The following ULK4 variants were observed in gnomAD, a reference collection of about 807,000 sequenced individuals.
The protein encoded by ULK4 is unc-51 like kinase 4.
In ULK4, 133 loss-of-function variants were observed where a neutral mutation model predicts 160.6. That is an observed-to-expected ratio of 0.83 (90% confidence interval 0.72 to 0.96). The LOEUF is 0.96. ULK4 is among the 40% of genes least tolerant of loss of function. The pLI is 0.00. For missense variants in ULK4, 1,580 were observed against 1,499.5 expected (o/e 1.05, Z -0.89); for synonymous variants, 534 against 539.8 (o/e 0.99, Z 0.15).
intron 30 of ULK4, among the ~76,000 whole-genome samples, chr3:41,629,261 G>T (rs375921400): frequency 6.6e-6 from 1 of 152,142 alleles, no homozygotes; most frequent in Middle Eastern, 3.2e-3. Flanking sequence ...GAACAGCTGG[G>T]GGTTGTGATC....
At chr3:41,587,636 T>C (rs930628839) in intron 31 of ULK4, among the ~76,000 whole-genome samples, 36 of 152,194 alleles carry the variant, frequency 2.4e-4, no homozygotes, top group African/African-American at 7.2e-4. Context: ...ATCTACTTGA[T>C]TGTAACTAGA....
chr3:41,668,836 T>A (rs1211270569), intron 29 of ULK4, among the ~76,000 whole-genome samples: 1 of 152,224 alleles, frequency 6.6e-6, no homozygotes, highest in East Asian at 1.9e-4. Flanking sequence ...TAAGAAGGCC[T>A]CTTTAGCATA....
chr3:41,453,299 C>G (rs6794927), intron 34 of ULK4, among the ~76,000 whole-genome samples: 47,668 of 152,012 alleles, frequency 0.31, 7,703 homozygotes, highest in African/African-American at 0.37. Context: ...CCTCAGCCTC[C>G]CAAGTAGCTA....
chr3:41,579,694 G>A (rs371771681), intron 31 of ULK4, among the ~76,000 whole-genome samples: 29 of 151,792 alleles, frequency 1.9e-4, no homozygotes, highest in African/African-American at 4.1e-4. Context: ...GGGTTTCACC[G>A]TGTTAGCCAG....
In ULK4 at chr3:41,935,850, T is replaced by C. The variant is rs1466062680; in HGVS notation, c.329A>G (p.His110Arg). ...EFGIDLISGL[H>R]HLHKLGILFC... ...GAGAATGCCAAGTTTATGAAGATGATGTAATCCACTAATCAGGTCAATTCC... is the reference window on the plus strand; with the variant it reads ...GAGAATGCCAAGTTTATGAAGATGACGTAATCCACTAATCAGGTCAATTCC... The change falls in exon 4 of 37, where the codon CAT becomes CGT. Residue 110 changes from histidine to arginine, a missense_variant. Physicochemically the swap from His to Arg is conservative, Grantham distance 29. Transcript: ENST00000301831. 3 of 1,613,798 alleles carry C rather than the reference T, an allele frequency of 1.9e-6. No individual in the cohort carries two copies. Among genetic ancestry groups the C allele is most frequent in the South Asian group, 2.2e-5 (2 of 90,994 alleles).
intron 32 of ULK4, among the ~76,000 whole-genome samples, chr3:41,514,901 T>C (rs746669752): frequency 3.9e-5 from 6 of 152,092 alleles, no homozygotes; most frequent in Non-Finnish European, 8.8e-5. Context: ...CCCCCAAAAT[T>C]TGTACAAATA....
intron 34 of ULK4, among the ~76,000 whole-genome samples, chr3:41,415,226 T>C (rs2082497128): frequency 6.6e-6 from 1 of 152,182 alleles, no homozygotes; most frequent in South Asian, 2.1e-4. Flanking sequence ...ATAAATGTGT[T>C]AACAGTGAAT....
chr3:41,533,547 G>A (rs1446450259), intron 32 of ULK4, among the ~76,000 whole-genome samples: 2 of 152,196 alleles, frequency 1.3e-5, no homozygotes, highest in African/African-American at 4.8e-5. Context: ...GGCAAGCCAT[G>A]GCCTGTGGGC....
intron 35 of ULK4, among the ~76,000 whole-genome samples, chr3:41,371,169 C>T (rs562487723): frequency 6.6e-6 from 1 of 152,312 alleles, no homozygotes; most frequent in South Asian, 2.1e-4. Context: ...ATCAAACTCC[C>T]ATCTCCCTAG....
rs192229427 is a variant in ULK4 at position 41,374,844 on chromosome 3, A to C, written c.3678+23235T>G. Among the ~76,000 whole-genome samples, 545 of 152,322 alleles carry C rather than the reference A, an allele frequency of 3.6e-3. 10 individuals are homozygous for C. The highest frequency in any genetic ancestry group is 0.013 in the African/African-American group (522 of 41,574). ...TTCAAATAGGAAGAGAGGAAGTCAAATTATCTCCGTTTGCACATGACATGA... is the reference window on the plus strand; with the variant it reads ...TTCAAATAGGAAGAGAGGAAGTCAACTTATCTCCGTTTGCACATGACATGA... On this transcript the variant is annotated intron_variant, in intron 35 of 36. Coordinates refer to ENST00000301831, the MANE Select transcript of ULK4 (RefSeq NM_017886.4).
At chr3:41,265,454 A>C (rs1314090467) in intron 35 of ULK4, among the ~76,000 whole-genome samples, 2 of 152,226 alleles carry the variant, frequency 1.3e-5, no homozygotes, top group Non-Finnish European at 2.9e-5. Context: ...CTCTAATGAA[A>C]CATTAGGGGC....
chr3:41,579,503 T>A (rs1250943781), intron 31 of ULK4, among the ~76,000 whole-genome samples: 2 of 144,974 alleles, frequency 1.4e-5, no homozygotes, highest in African/African-American at 5.1e-5. Context: ...TTTTTTTTTT[T>A]TTTTTTTTGA....
chr3:41,468,503 T>C (rs764040734), intron 32 of ULK4, among the ~76,000 whole-genome samples: 16 of 152,266 alleles, frequency 1.1e-4, no homozygotes, highest in East Asian at 1.9e-4. Context: ...AGACCTCCTA[T>C]AGAAGAATAG....
chr3:41,771,773 T>C (rs1366670622), intron 21 of ULK4, among the ~76,000 whole-genome samples: 6 of 152,174 alleles, frequency 3.9e-5, no homozygotes, highest in Admixed American at 2.6e-4. Context: ...TAAAACATTA[T>C]AGCAACTCAA....
intron 35 of ULK4, among the ~76,000 whole-genome samples, chr3:41,290,063 C>T (rs1163548680): frequency 2.0e-5 from 3 of 152,006 alleles, no homozygotes; most frequent in African/African-American, 7.2e-5. Flanking sequence ...TTAGGAGAGA[C>T]GGAGTTCCTC....
intron 32 of ULK4, among the ~76,000 whole-genome samples, chr3:41,546,748 A>G (rs1413231613): frequency 7.3e-6 from 1 of 136,254 alleles, no homozygotes; most frequent in South Asian, 2.3e-4. Flanking sequence ...CTTAGATTCT[A>G]CTTTCCTCCC....
intron 31 of ULK4, among the ~76,000 whole-genome samples, chr3:41,589,257 G>A (rs1211335422): frequency 6.6e-6 from 1 of 151,972 alleles, no homozygotes; most frequent in Non-Finnish European, 1.5e-5. Flanking sequence ...CCTATACAGA[G>A]TCCAGCAATC....
intron 20 of ULK4, among the ~76,000 whole-genome samples, chr3:41,794,660 C>CAAAAAAAA (rs71075484): frequency 0.012 from 226 of 18,986 alleles, 25 homozygotes; most frequent in Non-Finnish European, 0.017. Flanking sequence ...GACTCTGTCT[C>CAAAAAAAA]AAAAAAAAAA....
At chr3:41,788,085 C>T (rs1256298110) in intron 21 of ULK4, among the ~76,000 whole-genome samples, 2 of 152,078 alleles carry the variant, frequency 1.3e-5, no homozygotes, top group Admixed American at 1.3e-4. Context: ...AAAAACTAGA[C>T]ACATAGATTT....
Sources: allele counts gnomAD v4.1 joint callset (sites outside exome capture counted in the v4.1 genomes callset), GRCh38; gene constraint gnomAD v4.1.1; transcripts MANE v1.5; gene names NCBI Gene and HGNC (gene_info 2026-07-23, HGNC 2026-07-21).